Variants in DISC1 observed in about 807,000 individuals in gnomAD.
DISC1 encodes disrupted in schizophrenia 1 protein.
A neutral mutation model predicts 84.5 loss-of-function variants in DISC1; 57 were observed. The ratio of observed to expected loss-of-function variants is 0.67; its 90% CI spans 0.55 to 0.84. The LOEUF is 0.84. Ranked by LOEUF, DISC1 falls within the 40% of genes least tolerant of loss-of-function variation. The probability of loss-of-function intolerance (pLI) is 0.00; values close to 1 mark genes in which losing one functional copy is unlikely to be tolerated. For synonymous variants in DISC1, 411 were observed against 415.2 expected (o/e 0.99, Z 0.12); for missense variants, 1,000 against 1,057.8 (o/e 0.95, Z 0.76).
intron 10 of DISC1, among the ~76,000 whole-genome samples, chr1:231,961,956 A>G (rs540114477): frequency 3.9e-5 from 6 of 152,334 alleles, no homozygotes; most frequent in African/African-American, 1.4e-4. Context: ...AAATCTGCCA[A>G]CTGCTTCTAC....
chr1:231,875,016 C>A (rs77429432), intron 9 of DISC1, among the ~76,000 whole-genome samples: 1,785 of 152,114 alleles, frequency 0.012, 43 homozygotes, highest in African/African-American at 0.041. Context: ...ACATCGTAAG[C>A]CCTCAGGATC....
intron 1 of DISC1, among the ~76,000 whole-genome samples, chr1:231,638,324 T>C (rs1350741841): frequency 1.3e-5 from 2 of 152,222 alleles, no homozygotes; most frequent in Non-Finnish European, 2.9e-5. Context: ...AGAAGCTTTT[T>C]AGTTTAACTA....
chr1:231,789,129 G>A (rs1237199045), intron 6 of DISC1, among the ~76,000 whole-genome samples: 2 of 152,212 alleles, frequency 1.3e-5, no homozygotes, highest in East Asian at 3.8e-4. Context: ...GGTGGAAGAC[G>A]AGTGGATGTG....
intron 3 of DISC1, among the ~76,000 whole-genome samples, chr1:231,738,370 G>T (rs2072798657): frequency 6.6e-6 from 1 of 152,184 alleles, no homozygotes; most frequent in African/African-American, 2.4e-5. Context: ...GTTTCCTCCT[G>T]CTTGAGCAGT....
intron 9 of DISC1, among the ~76,000 whole-genome samples, chr1:231,942,069 C>T (rs2091376603): frequency 1.3e-5 from 2 of 151,896 alleles, no homozygotes; most frequent in Admixed American, 1.3e-4. Context: ...GACGAGGTAA[C>T]CAGGGGATGA....
intron 9 of DISC1, among the ~76,000 whole-genome samples, chr1:231,864,757 T>G (rs1184400563): frequency 6.6e-6 from 1 of 152,198 alleles, no homozygotes; most frequent in Admixed American, 6.5e-5. Context: ...AAAAGAAAGG[T>G]AGATGTTAAG....
At chr1:231,846,499 C>A (rs902273023) in intron 9 of DISC1, among the ~76,000 whole-genome samples, 2 of 152,198 alleles carry the variant, frequency 1.3e-5, no homozygotes, top group African/African-American at 4.8e-5. Flanking sequence ...TTTCAGCGAC[C>A]TTTTCAAAAG....
chr1:231,872,248 T>C (rs905946596), intron 9 of DISC1, among the ~76,000 whole-genome samples: 4 of 152,260 alleles, frequency 2.6e-5, no homozygotes, highest in African/African-American at 9.6e-5. Flanking sequence ...ATTGGCTTTC[T>C]TTCATTCTTT....
chr1:231,910,046 A>C (rs2089057515), intron 9 of DISC1, among the ~76,000 whole-genome samples: 1 of 151,430 alleles, frequency 6.6e-6, no homozygotes, highest in South Asian at 2.1e-4. Context: ...TTTTTATTGC[A>C]CCTATTTGAT....
At chr1:231,917,307 A>C (rs1246027114) in intron 9 of DISC1, among the ~76,000 whole-genome samples, 1 of 152,156 alleles carries the variant, frequency 6.6e-6, no homozygotes. Context: ...GATGCAATCA[A>C]ATTTGAGGAG....
At chr1:231,851,313 G>A (rs759716734) in intron 9 of DISC1, among the ~76,000 whole-genome samples, 13 of 152,096 alleles carry the variant, frequency 8.5e-5, no homozygotes, top group Non-Finnish European at 1.8e-4. Context: ...TGGGTAATTC[G>A]CCGCCTTTCT....
intron 12 of DISC1, among the ~76,000 whole-genome samples, chr1:232,027,410 T>C (rs547442077): frequency 6.6e-6 from 1 of 152,332 alleles, no homozygotes; most frequent in South Asian, 2.1e-4. Flanking sequence ...CTTAATATCC[T>C]TGGTGTCACA....
intron 1 of DISC1, among the ~76,000 whole-genome samples, chr1:231,679,072 G>A (rs1310404574): frequency 1.3e-5 from 2 of 152,188 alleles, no homozygotes; most frequent in African/African-American, 2.4e-5. Flanking sequence ...GGTTCACATG[G>A]GCGACTTGAA....
intron 10 of DISC1, among the ~76,000 whole-genome samples, chr1:232,008,411 A>G (rs1431731284): frequency 6.6e-6 from 1 of 152,210 alleles, no homozygotes; most frequent in Non-Finnish European, 1.5e-5. Flanking sequence ...TTGATGGAGA[A>G]TGGACAGAGA....
At chr1:232,013,385 C>T (rs191908684) in intron 11 of DISC1, among the ~76,000 whole-genome samples, 37 of 152,184 alleles carry the variant, frequency 2.4e-4, no homozygotes, top group Middle Eastern at 3.4e-3. Context: ...TAAGACACAA[C>T]GCAACCAGGT....
chr1:231,767,050 C>T, intron 4 of DISC1, 90 bp from the exon 5 acceptor site: 1 of 1,565,054 alleles, frequency 6.4e-7, no homozygotes. Flanking sequence ...ATGGGGGCCA[C>T]TTGCTGGAGT....
Position 231,950,208 on chromosome 1 carries a change from G to C in DISC1, c.1982-8620G>C, listed in dbSNP as rs906819119. On this transcript the variant is annotated intron_variant, in intron 9 of 12. Coordinates refer to ENST00000439617, the MANE Select transcript of DISC1 (RefSeq NM_018662.3). ...AAAAAAGAATGAAAAAAAATTCTGTGTGTGTGTGTGTGTGTGTGTGTGTGT... is the reference window on the plus strand; with the variant it reads ...AAAAAAGAATGAAAAAAAATTCTGTCTGTGTGTGTGTGTGTGTGTGTGTGT... Among the ~76,000 whole-genome samples the C allele has an allele frequency of 2.2e-3, 229 of 105,068 alleles. 2 individuals carry two copies. The highest frequency in any genetic ancestry group is 9.6e-3 in the African/African-American group (225 of 23,390). The allele number at this position is 105,068 out of a possible 152,430, so 68.9% of individuals were successfully genotyped here.
chr1:231,913,021 C>T (rs1323431658), intron 9 of DISC1, among the ~76,000 whole-genome samples: 3 of 152,036 alleles, frequency 2.0e-5, no homozygotes, highest in Non-Finnish European at 2.9e-5. Context: ...GATCCTCCCT[C>T]CTCAGCCACC....
intron 9 of DISC1, among the ~76,000 whole-genome samples, chr1:231,845,222 AT>A (rs1558642996): frequency 6.6e-6 from 1 of 152,168 alleles, no homozygotes; most frequent in Non-Finnish European, 1.5e-5. Context: ...GTCCATTTAC[AT>A]GGTTGAGGAA....
Sources: allele counts gnomAD v4.1 joint callset (sites outside exome capture counted in the v4.1 genomes callset), GRCh38; gene constraint gnomAD v4.1.1; transcripts MANE v1.5; gene names NCBI Gene and HGNC (gene_info 2026-07-23, HGNC 2026-07-21).